Variants in ADAMTS3 observed in about 807,000 individuals in gnomAD.
The protein encoded by ADAMTS3 is ADAM metallopeptidase with thrombospondin type 1 motif 3, also known as A disintegrin and metalloproteinase with thrombospondin motifs 3.
Under a neutral mutation model 129.0 loss-of-function variants are expected in ADAMTS3, and 73 were observed. The observed-to-expected ratio is 0.57, with a 90% confidence interval of 0.47 to 0.69. The LOEUF (loss-of-function observed/expected upper bound fraction) is 0.69. ADAMTS3 is among the 30% of genes least tolerant of loss of function. ADAMTS3 has a pLI of 0.00. For synonymous variants in ADAMTS3, 477 were observed against 510.8 expected, an observed-to-expected ratio of 0.93 and a Z score of 0.89; for missense variants, 1,457 against 1,514.5, an observed-to-expected ratio of 0.96 and a Z score of 0.63.
chr4:72,340,277 G>C lies in ADAMTS3; in HGVS notation c.662-584C>G, dbSNP rs558105150. Among the ~76,000 whole-genome samples the C allele has an allele frequency of 4.9e-4, 75 of 151,878 alleles. No individual in the cohort carries two copies. In the South Asian group the frequency reaches 0.015, roughly 30 times the overall value. On this transcript the variant is annotated intron_variant, in intron 4 of 21. Transcript: ENST00000286657. ...TAAAGTTTTCTAGTGAATGCTGCCA[G>C]CGAAGAAGTGGATATACAGGGTATA...
chr4:72,532,148 C>G lies in ADAMTS3; in HGVS notation c.504+16330G>C, dbSNP rs74445641. On this transcript the variant is annotated intron_variant, in intron 3 of 21. Transcript: ENST00000286657. ...CCATTGCACACATACAAGAAACAGACAGTAGAGTTTTAGGGTCTGTCAGTA... is the reference window on the plus strand; with the variant it reads ...CCATTGCACACATACAAGAAACAGAGAGTAGAGTTTTAGGGTCTGTCAGTA... Among the ~76,000 whole-genome samples, 516 of 151,882 alleles carry G rather than the reference C, an allele frequency of 3.4e-3. 6 individuals carry two copies. Among genetic ancestry groups the G allele is most frequent in the African/African-American group, 0.012 (498 of 41,390 alleles).
chr4:72,429,871 T>C (rs1340579300), intron 3 of ADAMTS3, among the ~76,000 whole-genome samples: 1 of 151,960 alleles, frequency 6.6e-6, no homozygotes, highest in Non-Finnish European at 1.5e-5. Flanking sequence ...CAACATCTCC[T>C]GGACAGTGTT....
At chr4:72,404,509 A>C (rs1457858207) in intron 4 of ADAMTS3, among the ~76,000 whole-genome samples, 3 of 152,120 alleles carry the variant, frequency 2.0e-5, no homozygotes, top group Non-Finnish European at 2.9e-5. Context: ...AATCAACCCC[A>C]GATGGATTGA....
intron 4 of ADAMTS3, among the ~76,000 whole-genome samples, chr4:72,391,257 A>G (rs1313661610): frequency 6.6e-6 from 1 of 152,230 alleles, no homozygotes. Context: ...TTCACTTCTA[A>G]AATACTAAAC....
intron 18 of ADAMTS3, among the ~76,000 whole-genome samples, chr4:72,296,950 A>C (rs989886184): frequency 1.3e-5 from 2 of 152,076 alleles, no homozygotes; most frequent in African/African-American, 4.8e-5. Context: ...TTGTTTTATA[A>C]AATGTTCCGA....
intron 3 of ADAMTS3, among the ~76,000 whole-genome samples, chr4:72,420,442 G>A (rs1218470746): frequency 6.6e-6 from 1 of 152,144 alleles, no homozygotes; most frequent in Non-Finnish European, 1.5e-5. Flanking sequence ...CTTAGGTGTT[G>A]CTTCTCAAAG....
intron 3 of ADAMTS3, among the ~76,000 whole-genome samples, chr4:72,498,876 T>C (rs922169965): frequency 2.6e-5 from 4 of 152,102 alleles, no homozygotes; most frequent in African/African-American, 9.7e-5. Context: ...ATACTTCAAG[T>C]CCATGCCTTT....
intron 4 of ADAMTS3, among the ~76,000 whole-genome samples, chr4:72,340,021 C>T (rs1334600893): frequency 6.6e-6 from 1 of 152,082 alleles, no homozygotes; most frequent in Non-Finnish European, 1.5e-5. Flanking sequence ...GTACAGAATA[C>T]AGGCTGGCTA....
intron 10 of ADAMTS3, among the ~76,000 whole-genome samples, chr4:72,317,141 C>T (rs2109804217): frequency 6.6e-6 from 1 of 152,228 alleles, no homozygotes; most frequent in South Asian, 2.1e-4. Flanking sequence ...ATATCTATTG[C>T]CTATACTGCT....
rs368964466 is a variant in ADAMTS3 at position 72,455,696 on chromosome 4, G to C, written c.505-40725C>G. On this transcript the variant is annotated intron_variant, in intron 3 of 21. Coordinates refer to ENST00000286657, the MANE Select transcript of ADAMTS3 (RefSeq NM_014243.3). Reference sequence around the variant, plus strand: ...AGATTACCTTTCTTCCGGATTTTTTGATGTTAGTGATATCTGTCGGCTTTA... The same window carrying C: ...AGATTACCTTTCTTCCGGATTTTTTCATGTTAGTGATATCTGTCGGCTTTA... Among the ~76,000 whole-genome samples, 23 of 145,436 alleles carry C rather than the reference G, an allele frequency of 1.6e-4. No individual in the cohort carries two copies. In the South Asian group the frequency reaches 1.9e-3, roughly 12 times the overall value.
chr4:72,551,192 G>A (rs1340823401), intron 2 of ADAMTS3, among the ~76,000 whole-genome samples: 3 of 152,066 alleles, frequency 2.0e-5, no homozygotes, highest in Admixed American at 2.0e-4. Flanking sequence ...CATCTCCACT[G>A]AAGGGAATTC....
chr4:72,373,995 G>C (rs1449894886), intron 4 of ADAMTS3, among the ~76,000 whole-genome samples: 1 of 151,260 alleles, frequency 6.6e-6, no homozygotes, highest in Non-Finnish European at 1.5e-5. Context: ...TATTAATCTA[G>C]GCACAGGCAC....
At chr4:72,362,220 T>G (rs1720747397) in intron 4 of ADAMTS3, among the ~76,000 whole-genome samples, 2 of 152,120 alleles carry the variant, frequency 1.3e-5, no homozygotes, top group African/African-American at 4.8e-5. Flanking sequence ...GTATTCCACA[T>G]TATGACAAAT....
At chr4:72,421,924 A>G (rs1054377597) in intron 3 of ADAMTS3, among the ~76,000 whole-genome samples, 4 of 152,210 alleles carry the variant, frequency 2.6e-5, no homozygotes, top group African/African-American at 9.6e-5. Flanking sequence ...TAAATAGTGA[A>G]AGTTCTTTTA....
At chr4:72,541,611 A>T (rs1037241059) in intron 3 of ADAMTS3, among the ~76,000 whole-genome samples, 4 of 152,132 alleles carry the variant, frequency 2.6e-5, no homozygotes, top group Non-Finnish European at 4.4e-5. Context: ...ATGTCATGGG[A>T]GGTACTCAGT....
intron 3 of ADAMTS3, among the ~76,000 whole-genome samples, chr4:72,541,990 T>C (rs576689589): frequency 1.2e-4 from 18 of 152,350 alleles, no homozygotes; most frequent in Non-Finnish European, 2.2e-4. Context: ...AACTTTTAAT[T>C]AGAAAGTATT....
At chr4:72,418,829 T>C (rs141773629) in intron 3 of ADAMTS3, among the ~76,000 whole-genome samples, 309 of 152,352 alleles carry the variant, frequency 2.0e-3, no homozygotes, top group African/African-American at 7.0e-3. Flanking sequence ...CACTCATTAC[T>C]TTGGCCTTTA....
chr4:72,454,430 C>G (rs1246105786), intron 3 of ADAMTS3, among the ~76,000 whole-genome samples: 1 of 151,632 alleles, frequency 6.6e-6, no homozygotes, highest in Non-Finnish European at 1.5e-5. Flanking sequence ...CAAGTGTAAA[C>G]TGCTGAAAAG....
chr4:72,425,509 G>A (rs890491456), intron 3 of ADAMTS3, among the ~76,000 whole-genome samples: 9 of 152,000 alleles, frequency 5.9e-5, no homozygotes, highest in South Asian at 2.1e-4. Context: ...AACAGGTCCC[G>A]GTGTGTGATG....
Sources: allele counts gnomAD v4.1 joint callset (sites outside exome capture counted in the v4.1 genomes callset), GRCh38; gene constraint gnomAD v4.1.1; transcripts MANE v1.5; gene names NCBI Gene and HGNC (gene_info 2026-07-23, HGNC 2026-07-21).